Variants in KIF5C observed in about 807,000 individuals in gnomAD.
KIF5C encodes kinesin family member 5C.
KIF5C carries 18 observed loss-of-function variants against 125.2 expected under a neutral mutation model. That is an observed-to-expected ratio of 0.14 (90% CI 0.10 to 0.21). The LOEUF (loss-of-function observed/expected upper bound fraction) is 0.21. KIF5C is among the 10% of genes least tolerant of loss of function. The probability of loss-of-function intolerance (pLI) is 1.00; values close to 1 mark genes in which losing one functional copy is unlikely to be tolerated. For synonymous variants in KIF5C, 405 were observed against 434.0 expected (o/e 0.93, Z 0.83); for missense variants, 780 against 1,183.8 (o/e 0.66, Z 5.01).
intron 1 of KIF5C, among the ~76,000 whole-genome samples, chr2:148,905,990 A>G (rs567786464): frequency 3.9e-4 from 59 of 152,254 alleles, no homozygotes; most frequent in African/African-American, 1.3e-3. Flanking sequence ...CCATGATTCA[A>G]TTACCTCCCA....
chr2:148,927,565 G>C (rs534876545), intron 2 of KIF5C, among the ~76,000 whole-genome samples: 4 of 152,134 alleles, frequency 2.6e-5, no homozygotes, highest in Non-Finnish European at 5.9e-5. Flanking sequence ...AATGGAAACT[G>C]TGATATTGTG....
At chr2:148,927,335 G>A (rs1318484623) in intron 2 of KIF5C, among the ~76,000 whole-genome samples, 13 of 152,200 alleles carry the variant, frequency 8.5e-5, no homozygotes, top group Admixed American at 8.5e-4. Flanking sequence ...GGCCTCCTGC[G>A]TGGGAACATC....
chr2:148,906,796 G>T (rs1292505553), intron 1 of KIF5C, among the ~76,000 whole-genome samples: 1 of 152,072 alleles, frequency 6.6e-6, no homozygotes, highest in Non-Finnish European at 1.5e-5. Flanking sequence ...AGCCCAGGGG[G>T]TTGAGGCTAT....
intron 15 of KIF5C, among the ~76,000 whole-genome samples, chr2:148,984,880 T>G (rs1314139907): frequency 6.6e-6 from 1 of 152,198 alleles, no homozygotes; most frequent in African/African-American, 2.4e-5. Context: ...AACCTCTGCC[T>G]CCTGGGTTCA....
chr2:148,881,055 T>C (rs1681335702), intron 1 of KIF5C, among the ~76,000 whole-genome samples: 1 of 151,674 alleles, frequency 6.6e-6, no homozygotes, highest in South Asian at 2.1e-4. Flanking sequence ...GTCATTTGGA[T>C]GAAATGAAAT....
intron 16 of KIF5C, among the ~76,000 whole-genome samples, chr2:148,993,713 A>G (rs962936619): frequency 6.6e-6 from 1 of 152,142 alleles, no homozygotes; most frequent in Non-Finnish European, 1.5e-5. Flanking sequence ...TATATTTTCC[A>G]TCTGCCTAGA....
chr2:148,946,786 T>C (rs1378426690), intron 7 of KIF5C, 113 bp from the exon 8 acceptor site: 2 of 1,467,632 alleles, frequency 1.4e-6, no homozygotes, highest in African/African-American at 1.4e-5. Flanking sequence ...TTGACTGGAC[T>C]TACTTCAATG....
intron 12 of KIF5C, among the ~76,000 whole-genome samples, chr2:148,974,607 G>A (rs1032855083): frequency 3.3e-5 from 5 of 152,070 alleles, no homozygotes; most frequent in Non-Finnish European, 5.9e-5. Context: ...TAGGCTCCAC[G>A]CATACCGTTA....
intron 1 of KIF5C, among the ~76,000 whole-genome samples, chr2:148,909,334 C>T (rs1681243187): frequency 6.6e-6 from 1 of 152,252 alleles, no homozygotes. Flanking sequence ...AGCCTCCAGG[C>T]TTCTGCTCTG....
At position 148,875,575 on chromosome 2, in the gene KIF5C, G is replaced by GGGCCCCCCCCCC; in HGVS notation, c.-43_-42insGGCCCCCCCCCC. On this transcript the variant is annotated 5_prime_UTR_variant, in exon 1 of 26. Coordinates refer to ENST00000435030, the MANE Select transcript of KIF5C (RefSeq NM_004522.3). The stretch of plus-strand genomic sequence containing the variant: ...TCCTCCCTCGTCGTTCCCGGCCCCG[G>GGGCCCCCCCCCC]CCCCCCACCCATCCCCGTGCCCCCT... 1 of 699,602 alleles carries GGGCCCCCCCCCC rather than the reference G, an allele frequency of 1.4e-6. No homozygotes were observed. The highest frequency in any genetic ancestry group is 2.6e-6 in the Non-Finnish European group (1 of 389,228). 43.3% of individuals were successfully genotyped at this position (699,602 alleles called of 1,614,324 possible).
At position 148,997,253 on chromosome 2, in the gene KIF5C, A is replaced by T; in HGVS notation, c.2024-11A>T. 6.2e-7 allele frequency: 1 copy of T among 1,610,102 alleles called. No homozygotes were observed. Reference sequence around the variant, plus strand: ...GTTAAGTCTTAAATCATCATTTAAAATTCAAAACAGAAAAAATGCACGAAG... The same window carrying T: ...GTTAAGTCTTAAATCATCATTTAAATTTCAAAACAGAAAAAATGCACGAAG... On this transcript the variant is annotated splice_polypyrimidine_tract_variant and intron_variant, in intron 17 of 25. Coordinates refer to ENST00000435030, the MANE Select transcript of KIF5C (RefSeq NM_004522.3).
At chr2:148,978,853 T>C (rs896215469) in intron 12 of KIF5C, 69 bp from the exon 13 acceptor site, 9 of 1,509,732 alleles carry the variant, frequency 6.0e-6, no homozygotes, top group Non-Finnish European at 8.0e-6. Flanking sequence ...TAGCTGCCTG[T>C]CACTGGGAGA....
chr2:148,996,014 G>T (rs1434298851), intron 17 of KIF5C, among the ~76,000 whole-genome samples: 1 of 152,166 alleles, frequency 6.6e-6, no homozygotes, highest in African/African-American at 2.4e-5. Context: ...AATTAGCAGG[G>T]TGTGGTGGCA....
intron 17 of KIF5C, 121 bp downstream of exon 17, chr2:148,994,659 A>C: frequency 8.3e-7 from 1 of 1,204,286 alleles, no homozygotes; most frequent in Non-Finnish European, 1.1e-6. Context: ...TACTGCAAAC[A>C]AAACCATAAC....
intron 1 of KIF5C, among the ~76,000 whole-genome samples, chr2:148,913,939 G>C (rs1681443782): frequency 1.3e-5 from 2 of 151,918 alleles, no homozygotes; most frequent in South Asian, 4.2e-4. Flanking sequence ...AGCAATTTCT[G>C]CTCCTTCCTC....
chr2:148,947,334 G>T, intron 8 of KIF5C: 1 of 290,380 alleles, frequency 3.4e-6, no homozygotes, highest in Non-Finnish European at 6.4e-6. Context: ...ACACATGTGG[G>T]AGGGATATGA....
chr2:149,017,274 T>C (rs1304695954), intron 25 of KIF5C, among the ~76,000 whole-genome samples: 2 of 152,026 alleles, frequency 1.3e-5, no homozygotes, highest in African/African-American at 4.8e-5. Context: ...CAGCTGTGGG[T>C]GGGCGGTAGA....
At chr2:149,008,159 T>G (rs1233770172) in intron 23 of KIF5C, 92 bp downstream of exon 23, 2 of 1,411,698 alleles carry the variant, frequency 1.4e-6, no homozygotes, top group African/African-American at 2.8e-5. Flanking sequence ...GAGAAGGCAC[T>G]GAGATTGAAG....
At chr2:149,004,145 C>G (rs1299392756) in intron 21 of KIF5C, among the ~76,000 whole-genome samples, 1 of 152,236 alleles carries the variant, frequency 6.6e-6, no homozygotes, top group Admixed American at 6.5e-5. Context: ...TAATTTACCT[C>G]ATCCGAGGAC....
Sources: allele counts gnomAD v4.1 joint callset (sites outside exome capture counted in the v4.1 genomes callset), GRCh38; gene constraint gnomAD v4.1.1; transcripts MANE v1.5; gene names NCBI Gene and HGNC (gene_info 2026-07-23, HGNC 2026-07-21).